Variants in EPCIP observed in about 807,000 individuals in gnomAD.
EPCIP encodes the protein exosomal polycystin-1-interacting protein.
chr21:32,809,285 T>TTTCTTTCTTTCC, the EPCIP span, among the ~76,000 whole-genome samples: 1 of 102,386 alleles, frequency 9.8e-6, no homozygotes, highest in Non-Finnish European at 2.0e-5. Context: ...CCTTCCTTTC[T>TTTCTTTCTTTCC]TTCTTTCTTT....
At chr21:32,808,555 A>G in the EPCIP span, among the ~76,000 whole-genome samples, 1 of 152,250 alleles carries the variant, frequency 6.6e-6, no homozygotes, top group Non-Finnish European at 1.5e-5. Context: ...TATTGGAACC[A>G]ATGAACATTT....
At chr21:32,794,319 T>C in the EPCIP span, 2,711 of 1,614,232 alleles carry the variant, frequency 1.7e-3, 3 homozygotes, top group Non-Finnish European at 2.2e-3. Flanking sequence ...TTTTCCCTTG[T>C]GAAGATGAGC....
chr21:32,796,238 G>A, the EPCIP span, among the ~76,000 whole-genome samples: 2 of 152,206 alleles, frequency 1.3e-5, no homozygotes, highest in Admixed American at 6.5e-5. Context: ...CGTCCTGCAT[G>A]TGAGGATGGA....
At chr21:32,796,955 AGGC>A in the EPCIP span, 2 of 470,882 alleles carry the variant, frequency 4.2e-6, no homozygotes, top group African/African-American at 4.0e-5. Context: ...ATCCTTTTAG[AGGC>A]AGCCGTGGAA....
At chr21:32,805,800 TTA>T in the EPCIP span, among the ~76,000 whole-genome samples, 1 of 152,148 alleles carries the variant, frequency 6.6e-6, no homozygotes, top group Admixed American at 6.5e-5. Flanking sequence ...GCTAATTACA[TTA>T]TGTGGTTTAT....
the EPCIP span, among the ~76,000 whole-genome samples, chr21:32,809,796 C>A: frequency 1.3e-5 from 2 of 151,998 alleles, no homozygotes; most frequent in Non-Finnish European, 2.9e-5. Context: ...GTCTTCAAAT[C>A]TCTCCTCTTT....
the EPCIP span, among the ~76,000 whole-genome samples, chr21:32,800,661 C>T: frequency 1.3e-5 from 2 of 152,038 alleles, no homozygotes; most frequent in African/African-American, 2.4e-5. Flanking sequence ...ACTAAAAATA[C>T]AAAAATTAGC....
At chr21:32,811,959 A>G in the EPCIP span, among the ~76,000 whole-genome samples, 8 of 152,236 alleles carry the variant, frequency 5.3e-5, no homozygotes, top group Non-Finnish European at 1.2e-4. Context: ...AAACAGCAAG[A>G]ATGCCCTTGC....
chr21:32,809,964 C>T, the EPCIP span, among the ~76,000 whole-genome samples: 20 of 152,134 alleles, frequency 1.3e-4, no homozygotes, highest in Admixed American at 9.2e-4. Context: ...AGTACCTAGT[C>T]GTGTTAGATT....
At chr21:32,808,889 C>T in the EPCIP span, among the ~76,000 whole-genome samples, 1 of 152,136 alleles carries the variant, frequency 6.6e-6, no homozygotes, top group African/African-American at 2.4e-5. Flanking sequence ...ATCCTGATCT[C>T]ATTGATGACT....
chr21:32,796,862 C>T, the EPCIP span: 24 of 412,424 alleles, frequency 5.8e-5, no homozygotes, highest in Middle Eastern at 3.7e-4. Context: ...TGACCCTAGC[C>T]TTAAAAGAAA....
At chr21:32,794,280 C>A in the EPCIP span, 20 of 1,614,148 alleles carry the variant, frequency 1.2e-5, no homozygotes, top group Non-Finnish European at 1.7e-5. Context: ...TCCCGGATGT[C>A]CGCAGAACAG....
the EPCIP span, among the ~76,000 whole-genome samples, chr21:32,804,239 C>T: frequency 6.7e-6 from 1 of 149,084 alleles, no homozygotes; most frequent in East Asian, 2.0e-4. Flanking sequence ...AATAATCCAA[C>T]CACACAGGTT....
At chr21:32,813,344 T>C in the EPCIP span, among the ~76,000 whole-genome samples, 1 of 152,214 alleles carries the variant, frequency 6.6e-6, no homozygotes, top group African/African-American at 2.4e-5. Context: ...CTGAAAATCT[T>C]TCATTTTAAA....
At chr21:32,792,979 C>G in the EPCIP span, among the ~76,000 whole-genome samples, 1 of 150,576 alleles carries the variant, frequency 6.6e-6, no homozygotes, top group Non-Finnish European at 1.5e-5. Flanking sequence ...ATGGTGTGAT[C>G]TCTGACTCTG....
At chr21:32,793,965 T>C in the EPCIP span, 80 of 1,614,174 alleles carry the variant, frequency 5.0e-5, no homozygotes, top group East Asian at 1.7e-3. Flanking sequence ...CACATGGGCT[T>C]CTCTCTGGAG....
the EPCIP span, among the ~76,000 whole-genome samples, chr21:32,792,443 G>T: frequency 1.3e-5 from 2 of 152,102 alleles, no homozygotes; most frequent in African/African-American, 4.8e-5. Context: ...GTTGTAAGTG[G>T]TGAGTAAATT....
the EPCIP span, among the ~76,000 whole-genome samples, chr21:32,804,516 T>C: frequency 6.6e-6 from 1 of 151,954 alleles, no homozygotes; most frequent in African/African-American, 2.4e-5. Flanking sequence ...ATATACATAG[T>C]ACTATTCATA....
At chr21:32,801,958 G>A in the EPCIP span, among the ~76,000 whole-genome samples, 1 of 152,198 alleles carries the variant, frequency 6.6e-6, no homozygotes, top group Non-Finnish European at 1.5e-5. Context: ...GAAGGGCGAG[G>A]CAGTGCAGAT....
Sources: gnomAD v4.1 joint callset for allele counts (sites outside exome capture counted in the v4.1 genomes callset) on GRCh38, gnomAD v4.1.1 for gene constraint, MANE v1.5 for transcripts, NCBI Gene and HGNC (gene_info 2026-07-23, HGNC 2026-07-21) for gene names.